Variants in HSPA12A observed in about 807,000 individuals in gnomAD.
HSPA12A encodes heat shock 70 kDa protein 12A.
In HSPA12A, 28 loss-of-function variants were observed where a neutral mutation model predicts 69.2. The observed-to-expected ratio is 0.40, with a 90% confidence interval of 0.30 to 0.55. The LOEUF (loss-of-function observed/expected upper bound fraction) is 0.55. HSPA12A is among the 20% of genes least tolerant of loss of function. The pLI, the probability that HSPA12A is intolerant of heterozygous loss-of-function variation, is 0.38. For synonymous variants in HSPA12A, 345 were observed against 370.5 expected (o/e 0.93, Z 0.79); for missense variants, 686 against 900.7 (o/e 0.76, Z 3.05).
chr10:116,783,549 C>T (rs1844509861), intron 2 of HSPA12A, among the ~76,000 whole-genome samples: 1 of 152,148 alleles, frequency 6.6e-6, no homozygotes, highest in Non-Finnish European at 1.5e-5. Context: ...CCTGACCCAC[C>T]GTCCCCACCC....
rs1167802440 is a variant in HSPA12A, at chr10:116,849,678, G to A, written c.-110C>T. The A allele has an allele frequency of 6.5e-7, 1 of 1,549,650 alleles. No homozygotes were observed. The highest frequency in any genetic ancestry group is 2.0e-5 in the Admixed American group (1 of 50,918). On this transcript the variant is annotated 5_prime_UTR_variant, in exon 1 of 13. Coordinates refer to the HSPA12A transcript ENST00000635765. ...GAACGACGTTCCGCGCAGGCTGGAA[G>A]AGCTGCTCAACTCCACCTTCTACCT...
intron 3 of HSPA12A, among the ~76,000 whole-genome samples, chr10:116,703,923 G>A (rs573467111): frequency 1.3e-5 from 2 of 152,300 alleles, no homozygotes; most frequent in South Asian, 4.1e-4. Context: ...TTTTGCCTCT[G>A]GCTACCAACA....
chr10:116,705,053 C>T lies in HSPA12A; in HGVS notation c.254+98G>A, dbSNP rs546730978. 12 of 1,429,792 alleles carry T rather than the reference C, an allele frequency of 8.4e-6. No homozygotes were observed. The African/African-American group carries it at 1.7e-4, about 20-fold the overall frequency. 88.6% of individuals were successfully genotyped at this position (1,429,792 alleles called of 1,614,324 possible). On this transcript the variant is annotated intron_variant, in intron 3 of 11. Transcript: ENST00000369209. The stretch of plus-strand genomic sequence containing the variant: ...AGCCAAGCTGGAACAGAATCCAGGG[C>T]CGTCTTCGTAAGTGCCAATCACTGG...
chr10:116,844,854 G>C (rs1845853772), intron 1 of HSPA12A, among the ~76,000 whole-genome samples: 1 of 152,150 alleles, frequency 6.6e-6, no homozygotes, highest in African/African-American at 2.4e-5. Context: ...GACAGGATTA[G>C]GGAAAAAATG....
At chr10:116,699,315 G>A (rs1850011064) in intron 4 of HSPA12A, among the ~76,000 whole-genome samples, 1 of 152,176 alleles carries the variant, frequency 6.6e-6, no homozygotes, top group East Asian at 1.9e-4. Context: ...AAAAGTGAAA[G>A]CAGCTGCTGA....
At chr10:116,837,815 CAA>C (rs544462723) in intron 1 of HSPA12A, among the ~76,000 whole-genome samples, 8,213 of 140,644 alleles carry the variant, frequency 0.058, 744 homozygotes, top group African/African-American at 0.19. Context: ...AAAAAGAATG[CAA>C]AAAAAAAAAA....
chr10:116,822,556 AG>A (rs1352955839), intron 2 of HSPA12A, among the ~76,000 whole-genome samples: 1 of 152,192 alleles, frequency 6.6e-6, no homozygotes, highest in Non-Finnish European at 1.5e-5. Context: ...GCATTTGATA[AG>A]TTCAATGGGG....
At chr10:116,820,139 G>A (rs1564830573) in intron 2 of HSPA12A, among the ~76,000 whole-genome samples, 2 of 152,132 alleles carry the variant, frequency 1.3e-5, no homozygotes, top group South Asian at 2.1e-4. Context: ...TGTGTTTTTA[G>A]TTGGTAAAAA....
chr10:116,822,763 G>A (rs372662849), intron 2 of HSPA12A, among the ~76,000 whole-genome samples: 3 of 152,184 alleles, frequency 2.0e-5, no homozygotes, highest in African/African-American at 7.2e-5. Context: ...TATTGCATTC[G>A]TGGATAGGCT....
chr10:116,732,395 C>T (rs1554885939), intron 1 of HSPA12A, among the ~76,000 whole-genome samples: 1 of 144,352 alleles, frequency 6.9e-6, no homozygotes, highest in Non-Finnish European at 1.6e-5. Context: ...ACACTTTCCC[C>T]TCCTAGACCT....
At chr10:116,839,433 G>A (rs1845768100) in intron 1 of HSPA12A, among the ~76,000 whole-genome samples, 1 of 151,914 alleles carries the variant, frequency 6.6e-6, no homozygotes, top group Non-Finnish European at 1.5e-5. Flanking sequence ...GTAGCCAAAG[G>A]AGTCTTCCCA....
intron 1 of HSPA12A, among the ~76,000 whole-genome samples, chr10:116,835,863 C>T (rs147502141): frequency 2.0e-5 from 3 of 152,160 alleles, no homozygotes; most frequent in South Asian, 4.1e-4. Flanking sequence ...AAAATCAAGC[C>T]GGCGGTGTGT....
intron 2 of HSPA12A, chr10:116,829,735 A>C (rs2133207985): frequency 6.6e-6 from 1 of 152,358 alleles, no homozygotes; most frequent in East Asian, 1.9e-4. Context: ...ACTTGTATAT[A>C]AATGACACAT....
chr10:116,713,848 G>T (rs1260247521), intron 1 of HSPA12A, among the ~76,000 whole-genome samples: 1 of 152,106 alleles, frequency 6.6e-6, no homozygotes, highest in Non-Finnish European at 1.5e-5. Flanking sequence ...CATTTGAAGA[G>T]GCTCTACCAG....
chr10:116,809,335 C>T (rs2133180296), intron 2 of HSPA12A, among the ~76,000 whole-genome samples: 2 of 152,274 alleles, frequency 1.3e-5, no homozygotes, highest in Admixed American at 1.3e-4. Context: ...AGGAAAGCAC[C>T]CTGAACCCTC....
chr10:116,765,155 C>T (rs1228568138), intron 2 of HSPA12A, among the ~76,000 whole-genome samples: 1 of 152,098 alleles, frequency 6.6e-6, no homozygotes, highest in Non-Finnish European at 1.5e-5. Flanking sequence ...TAGTTCTGTT[C>T]TCTGGAAAGA....
intron 2 of HSPA12A, among the ~76,000 whole-genome samples, chr10:116,749,739 T>G (rs1851731283): frequency 6.6e-6 from 1 of 152,222 alleles, no homozygotes; most frequent in Non-Finnish European, 1.5e-5. Flanking sequence ...CCGAGTTTTT[T>G]AAGATGAGAA....
chr10:116,690,059 C>G (rs940367909), intron 6 of HSPA12A, among the ~76,000 whole-genome samples: 1 of 152,186 alleles, frequency 6.6e-6, no homozygotes, highest in Non-Finnish European at 1.5e-5. Flanking sequence ...AATTAATCAT[C>G]ACAGGTACAT....
chr10:116,763,062 C>G (rs1214209253), intron 2 of HSPA12A, among the ~76,000 whole-genome samples: 3 of 152,208 alleles, frequency 2.0e-5, no homozygotes, highest in Middle Eastern at 3.2e-3. Context: ...ATCTTAAGGA[C>G]AGTAGCTACA....
Sources: gnomAD v4.1 joint callset for allele counts (sites outside exome capture counted in the v4.1 genomes callset) on GRCh38, gnomAD v4.1.1 for gene constraint, MANE v1.5 for transcripts, NCBI Gene and HGNC (gene_info 2026-07-23, HGNC 2026-07-21) for gene names.